CNTN5: variants seen among roughly 807,000 people sequenced by gnomAD.
CNTN5 encodes the protein contactin-5.
CNTN5 carries 77 observed loss-of-function variants against 129.1 expected under a neutral mutation model. The ratio of observed to expected loss-of-function variants is 0.60; its 90% confidence interval spans 0.50 to 0.72. The LOEUF (loss-of-function observed/expected upper bound fraction) is 0.72, where lower values mean the gene tolerates loss of function less well. Ranked by LOEUF, CNTN5 falls within the 30% of genes least tolerant of loss-of-function variation. CNTN5 has a pLI of 0.00. For missense variants in CNTN5, 1,478 were observed against 1,328.8 expected (o/e 1.11, Z -1.75); for synonymous variants, 509 against 465.6 (o/e 1.09, Z -1.20).
intron 3 of CNTN5, among the ~76,000 whole-genome samples, chr11:99,702,180 T>G (rs1289055370): frequency 6.6e-6 from 1 of 151,038 alleles, no homozygotes; most frequent in East Asian, 1.9e-4. Flanking sequence ...TTTTCCATTT[T>G]TATGCACAAG....
intron 6 of CNTN5, among the ~76,000 whole-genome samples, chr11:99,891,329 C>CTTT (rs1470423940): frequency 4.7e-5 from 7 of 149,706 alleles, no homozygotes; most frequent in Non-Finnish European, 8.9e-5. Context: ...GTCCCAATAT[C>CTTT]TTTTTATTAT....
At chr11:99,347,775 G>A (rs182189809) in intron 2 of CNTN5, among the ~76,000 whole-genome samples, 3 of 152,266 alleles carry the variant, frequency 2.0e-5, no homozygotes, top group East Asian at 3.9e-4. Flanking sequence ...AGTTGTTTCT[G>A]TCAGCAGAAC....
chr11:100,355,361 T>C (rs562654166), intron 24 of CNTN5, among the ~76,000 whole-genome samples: 1 of 151,830 alleles, frequency 6.6e-6, no homozygotes, highest in East Asian at 1.9e-4. Context: ...CATAGAGCTA[T>C]CATCTCTTGT....
intron 1 of CNTN5, among the ~76,000 whole-genome samples, chr11:99,128,202 G>A (rs1396149072): frequency 6.6e-6 from 1 of 152,154 alleles, no homozygotes; most frequent in Non-Finnish European, 1.5e-5. Context: ...TGAAATCCCT[G>A]CTGGCCAGCA....
intron 2 of CNTN5, among the ~76,000 whole-genome samples, chr11:99,447,167 A>G (rs955677336): frequency 6.6e-6 from 1 of 152,136 alleles, no homozygotes; most frequent in Non-Finnish European, 1.5e-5. Flanking sequence ...CAATTTCTTC[A>G]TTTCTTAAAA....
chr11:99,528,459 A>G (rs11220314), intron 2 of CNTN5, among the ~76,000 whole-genome samples: 36,369 of 152,202 alleles, frequency 0.24, 5,079 homozygotes, highest in Non-Finnish European at 0.32. Flanking sequence ...AACTGGAGTC[A>G]TCTGAAATAC....
At chr11:99,966,585 C>T (rs1479828971) in intron 8 of CNTN5, among the ~76,000 whole-genome samples, 1 of 152,170 alleles carries the variant, frequency 6.6e-6, no homozygotes, top group Non-Finnish European at 1.5e-5. Context: ...AGGTTGCCCT[C>T]AAGTTGCAGC....
At chr11:99,471,634 G>A (rs939943524) in intron 2 of CNTN5, among the ~76,000 whole-genome samples, 1 of 143,056 alleles carries the variant, frequency 7.0e-6, no homozygotes, top group African/African-American at 2.5e-5. Flanking sequence ...CTTACTTCAT[G>A]TGTTTTTTTT....
At chr11:99,417,727 T>A (rs1291974402) in intron 2 of CNTN5, among the ~76,000 whole-genome samples, 1 of 152,148 alleles carries the variant, frequency 6.6e-6, no homozygotes, top group African/African-American at 2.4e-5. Flanking sequence ...AAATTCATGG[T>A]GTCACAAGTA....
chr11:99,810,445 G>A (rs1045741392), intron 3 of CNTN5, among the ~76,000 whole-genome samples: 3 of 151,930 alleles, frequency 2.0e-5, no homozygotes, highest in Non-Finnish European at 4.4e-5. Context: ...CCTGACTCCA[G>A]TGCTTTAAAA....
Position 99,562,920 on chromosome 11 carries a change from G to C in CNTN5, c.55+6651G>C, listed in dbSNP as rs140300365. ...TATCTAAAATTTAGGGAAGATGACCGAGCTAAAAGTAAATCTGTGATTCAT... is the reference window on the plus strand; with the variant it reads ...TATCTAAAATTTAGGGAAGATGACCCAGCTAAAAGTAAATCTGTGATTCAT... On this transcript the variant is annotated intron_variant, in intron 3 of 24. Transcript: ENST00000524871. 1.8e-4 allele frequency among the ~76,000 whole-genome samples: 28 copies of C among 152,210 alleles called. No individual in the cohort carries two copies. In the South Asian group the frequency reaches 5.6e-3, roughly 30 times the overall value.
chr11:99,784,937 C>T (rs556589748), intron 3 of CNTN5, among the ~76,000 whole-genome samples: 1 of 151,242 alleles, frequency 6.6e-6, no homozygotes, highest in Non-Finnish European at 1.5e-5. Context: ...ATAGGTGAGA[C>T]TACAGGTGCC....
At chr11:100,032,693 T>C (rs1442134301) in intron 9 of CNTN5, among the ~76,000 whole-genome samples, 2 of 152,044 alleles carry the variant, frequency 1.3e-5, no homozygotes, top group East Asian at 1.9e-4. Context: ...ACACTCAATC[T>C]GTTTTCTTAT....
Position 99,767,647 on chromosome 11 carries a change from A to G in CNTN5, c.56-51897A>G, listed in dbSNP as rs553090718. 2.7e-5 allele frequency among the ~76,000 whole-genome samples: 4 copies of G among 150,358 alleles called. No individual in the cohort carries two copies. In the East Asian group the frequency reaches 7.7e-4, roughly 29 times the overall value. On this transcript the variant is annotated intron_variant, in intron 3 of 24. Transcript: ENST00000524871. Reference sequence around the variant, plus strand: ...TAAACCAAAAAAAAAAAAACCCATCAGATCAAGGAATGTGAAGTTTAATAT... The same window carrying G: ...TAAACCAAAAAAAAAAAAACCCATCGGATCAAGGAATGTGAAGTTTAATAT...
At position 99,811,272 on chromosome 11, in the gene CNTN5, C is replaced by T. The variant is rs183106781; in HGVS notation, c.56-8272C>T. On this transcript the variant is annotated intron_variant, in intron 3 of 24. Transcript: ENST00000524871. ...TAAACATACCTCTCATATTTAGGGA[C>T]GGAAATAGAATTCTGAAGTTTTATT... 3.7e-3 allele frequency among the ~76,000 whole-genome samples: 556 copies of T among 151,642 alleles called. 1 individual carries two copies. The highest frequency in any genetic ancestry group is 0.012 in the African/African-American group (508 of 41,416).
intron 2 of CNTN5, among the ~76,000 whole-genome samples, chr11:99,476,923 G>A (rs1360590285): frequency 6.6e-6 from 1 of 151,802 alleles, no homozygotes; most frequent in African/African-American, 2.4e-5. Flanking sequence ...TTTCCTAAGT[G>A]AGATACATAT....
chr11:99,762,303 C>A (rs565199180), intron 3 of CNTN5, among the ~76,000 whole-genome samples: 1 of 150,920 alleles, frequency 6.6e-6, no homozygotes, highest in African/African-American at 2.4e-5. Context: ...TCTTTTGTTG[C>A]CATTGCTTTT....
chr11:100,091,717 G>A (rs540597685), intron 13 of CNTN5, among the ~76,000 whole-genome samples: 32 of 152,116 alleles, frequency 2.1e-4, no homozygotes, highest in African/African-American at 7.0e-4. Context: ...GTAAGCCACC[G>A]CGCCCAGCCT....
At chr11:99,707,391 A>G (rs1954801958) in intron 3 of CNTN5, among the ~76,000 whole-genome samples, 1 of 151,700 alleles carries the variant, frequency 6.6e-6, no homozygotes, top group Non-Finnish European at 1.5e-5. Context: ...TCAAAGAACT[A>G]TTCCCCATTT....
Sources: allele counts gnomAD v4.1 joint callset (sites outside exome capture counted in the v4.1 genomes callset), GRCh38; gene constraint gnomAD v4.1.1; transcripts MANE v1.5; gene names NCBI Gene and HGNC (gene_info 2026-07-23, HGNC 2026-07-21).